The following AGBL4 variants were observed in gnomAD, a reference collection of about 807,000 sequenced individuals.
The protein encoded by AGBL4 is cytosolic carboxypeptidase 6.
Under a neutral mutation model 66.4 loss-of-function variants are expected in AGBL4, and 58 were observed. That is an observed-to-expected ratio of 0.87 (90% CI 0.71 to 1.09). The LOEUF (loss-of-function observed/expected upper bound fraction) is 1.09. Among genes scored for constraint, AGBL4 ranks in the 50% least tolerant of loss-of-function variants. AGBL4 has a pLI of 0.00. For missense variants in AGBL4, 579 were observed against 631.0 expected (o/e 0.92, Z 0.88); for synonymous variants, 234 against 222.9 (o/e 1.05, Z -0.44).
chr1:48,980,735 A>T (rs1212635322), intron 5 of AGBL4, among the ~76,000 whole-genome samples: 1 of 2,492 alleles, frequency 4.0e-4, no homozygotes, highest in African/African-American at 1.0e-3. Context: ...ATATATATAT[A>T]TATATATATA....
Position 49,258,806 on chromosome 1 carries a change from T to C in AGBL4, c.283-12942A>G, listed in dbSNP as rs376418679. Among the ~76,000 whole-genome samples, 462 of 152,088 alleles carry C rather than the reference T, an allele frequency of 3.0e-3. 7 individuals are homozygous for C. The highest frequency in any genetic ancestry group is 9.8e-3 in the South Asian group (47 of 4,798). On this transcript the variant is annotated intron_variant, in intron 3 of 13. Coordinates refer to ENST00000371839, the MANE Select transcript of AGBL4 (RefSeq NM_032785.4). Reference sequence around the variant, plus strand: ...GTTCAGATTCAGGAAATACAGAGAATGCCACAAAGATACTCCTTGAGAAGA... The same window carrying C: ...GTTCAGATTCAGGAAATACAGAGAACGCCACAAAGATACTCCTTGAGAAGA...
intron 1 of AGBL4, among the ~76,000 whole-genome samples, chr1:49,954,977 T>C (rs577727250): frequency 1.3e-5 from 2 of 151,954 alleles, no homozygotes; most frequent in Non-Finnish European, 2.9e-5. Flanking sequence ...TTACATAAAA[T>C]GAGACCCAAT....
chr1:49,063,475 G>C (rs1275069538), intron 4 of AGBL4, among the ~76,000 whole-genome samples: 1 of 152,166 alleles, frequency 6.6e-6, no homozygotes, highest in African/African-American at 2.4e-5. Context: ...AGCCACACTG[G>C]AGTTTAGAAG....
At chr1:49,592,668 C>A (rs187956165) in intron 3 of AGBL4, among the ~76,000 whole-genome samples, 1 of 152,206 alleles carries the variant, frequency 6.6e-6, no homozygotes, top group Non-Finnish European at 1.5e-5. Flanking sequence ...TAGAGAAATG[C>A]AAATCAAAAC....
intron 3 of AGBL4, among the ~76,000 whole-genome samples, chr1:49,545,540 T>C (rs558820245): frequency 1.3e-5 from 2 of 152,324 alleles, no homozygotes; most frequent in South Asian, 4.1e-4. Context: ...GTAAAATTGT[T>C]ATACAAAATG....
intron 1 of AGBL4, among the ~76,000 whole-genome samples, chr1:49,986,467 T>C (rs1659513112): frequency 6.6e-6 from 1 of 152,066 alleles, no homozygotes; most frequent in Non-Finnish European, 1.5e-5. Flanking sequence ...AAAATACTGT[T>C]TCAACATTTT....
chr1:49,250,483 C>A (rs536442560), intron 3 of AGBL4, among the ~76,000 whole-genome samples: 3 of 136,280 alleles, frequency 2.2e-5, no homozygotes. Flanking sequence ...CTCATTCTGT[C>A]GCCAGGCTGG....
chr1:49,352,168 C>T (rs180984316), intron 3 of AGBL4, among the ~76,000 whole-genome samples: 1 of 152,100 alleles, frequency 6.6e-6, no homozygotes. Flanking sequence ...CACAGAACAC[C>T]GCTTGCATCT....
intron 3 of AGBL4, among the ~76,000 whole-genome samples, chr1:49,361,609 A>G (rs1293910347): frequency 6.6e-6 from 1 of 152,214 alleles, no homozygotes; most frequent in Non-Finnish European, 1.5e-5. Context: ...TACAGGCATG[A>G]GCCACCGTAC....
At chr1:49,160,231 C>T (rs1394096668) in intron 4 of AGBL4, among the ~76,000 whole-genome samples, 2 of 152,110 alleles carry the variant, frequency 1.3e-5, no homozygotes, top group Non-Finnish European at 2.9e-5. Flanking sequence ...ATGTTGGTGA[C>T]ATTTGGATGG....
chr1:49,125,048 AG>A (rs1645737987), intron 4 of AGBL4, among the ~76,000 whole-genome samples: 1 of 152,172 alleles, frequency 6.6e-6, no homozygotes, highest in African/African-American at 2.4e-5. Flanking sequence ...CATTTCACCA[AG>A]TGAATGTGTA....
chr1:48,543,503 G>T (rs1213742336), intron 11 of AGBL4, among the ~76,000 whole-genome samples: 1 of 152,164 alleles, frequency 6.6e-6, no homozygotes, highest in Non-Finnish European at 1.5e-5. Flanking sequence ...AGGAGTGTTT[G>T]GTGGGAGGGG....
intron 4 of AGBL4, among the ~76,000 whole-genome samples, chr1:49,057,398 A>G (rs1015852320): frequency 6.6e-6 from 1 of 152,206 alleles, no homozygotes; most frequent in Non-Finnish European, 1.5e-5. Context: ...AGCCTGGGTA[A>G]CAATAAAACC....
intron 6 of AGBL4, among the ~76,000 whole-genome samples, chr1:48,695,321 G>T (rs1192389995): frequency 6.6e-6 from 1 of 152,182 alleles, no homozygotes; most frequent in African/African-American, 2.4e-5. Context: ...AAGCAGGGTT[G>T]GGGGAGAGCT....
At chr1:49,997,258 A>G (rs1334475649) in intron 1 of AGBL4, among the ~76,000 whole-genome samples, 2 of 152,182 alleles carry the variant, frequency 1.3e-5, no homozygotes, top group Non-Finnish European at 2.9e-5. Flanking sequence ...AAAGATACAG[A>G]ATGGCAGAAT....
chr1:48,560,048 C>T (rs1644373896), intron 11 of AGBL4, among the ~76,000 whole-genome samples: 1 of 152,284 alleles, frequency 6.6e-6, no homozygotes, highest in African/African-American at 2.4e-5. Flanking sequence ...GAAGCTACCA[C>T]CTCCTCCATG....
At chr1:49,751,275 G>T (rs940509231) in intron 2 of AGBL4, among the ~76,000 whole-genome samples, 1 of 152,060 alleles carries the variant, frequency 6.6e-6, no homozygotes, top group East Asian at 1.9e-4. Context: ...CTAGTTTATT[G>T]GGTGTTTTTA....
At chr1:49,739,398 C>G (rs577584222) in intron 2 of AGBL4, among the ~76,000 whole-genome samples, 178 of 152,122 alleles carry the variant, frequency 1.2e-3, no homozygotes, top group Non-Finnish European at 1.9e-3. Context: ...AGAAATATGG[C>G]ACTATGTGAA....
At chr1:49,468,662 T>C (rs1646677706) in intron 3 of AGBL4, among the ~76,000 whole-genome samples, 2 of 151,854 alleles carry the variant, frequency 1.3e-5, no homozygotes, top group Admixed American at 6.6e-5. Flanking sequence ...AGCATTATTT[T>C]TTTACAATTC....
Sources: gnomAD v4.1 joint callset for allele counts (sites outside exome capture counted in the v4.1 genomes callset) on GRCh38, gnomAD v4.1.1 for gene constraint, MANE v1.5 for transcripts, NCBI Gene and HGNC (gene_info 2026-07-23, HGNC 2026-07-21) for gene names.